Variants in EXTL3 observed in about 807,000 individuals in gnomAD.
EXTL3 encodes the protein exostosin-like 3.
EXTL3 carries 27 observed loss-of-function variants against 69.3 expected under a neutral mutation model. That is an observed-to-expected ratio of 0.39 (90% CI 0.29 to 0.54). The LOEUF (loss-of-function observed/expected upper bound fraction) is 0.54. Ranked by LOEUF, EXTL3 falls within the 20% of genes least tolerant of loss-of-function variation. The pLI, the probability that EXTL3 is intolerant of heterozygous loss-of-function variation, is 0.69. For missense variants in EXTL3, 1,003 were observed against 1,231.8 expected (o/e 0.81, Z 2.78); for synonymous variants, 511 against 499.4 (o/e 1.02, Z -0.31).
At chr8:28,731,139 G>A (rs1017094465) in intron 3 of EXTL3, 84 bp from the exon 4 acceptor site, 1 of 1,551,118 alleles carries the variant, frequency 6.4e-7, no homozygotes, top group Non-Finnish European at 8.9e-7. Flanking sequence ...ATCCAGCCAT[G>A]GTCTCCTTGG....
chr8:28,653,677 C>T (rs929510963), intron 1 of EXTL3, among the ~76,000 whole-genome samples: 7 of 152,144 alleles, frequency 4.6e-5, no homozygotes, highest in Admixed American at 3.3e-4. Context: ...TGACTAGAGA[C>T]ATTTGGGTTT....
At chr8:28,747,728 CT>C (rs71549697) in intron 6 of EXTL3, among the ~76,000 whole-genome samples, 9,925 of 124,560 alleles carry the variant, frequency 0.08, 766 homozygotes, top group African/African-American at 0.27. Context: ...TTTTCTTTTT[CT>C]TTTTTTTTTT....
rs552787812 is a variant in EXTL3 at position 28,612,437 on chromosome 8, G to C, written n.314+4679G>C. Among the ~76,000 whole-genome samples the C allele has an allele frequency of 2.2e-4, 34 of 151,176 alleles. 2 individuals are homozygous for C. In the South Asian group the frequency reaches 4.2e-3, roughly 19 times the overall value. ...CCATTGCACTCCAGCCTGGGAGCCTGGGTGACGGAGCGAGACTCCATCTCT... is the reference window on the plus strand; with the variant it reads ...CCATTGCACTCCAGCCTGGGAGCCTCGGTGACGGAGCGAGACTCCATCTCT... On this transcript the variant is annotated intron_variant and non_coding_transcript_variant, in intron 2 of 4. Coordinates refer to the EXTL3 transcript ENST00000522725.
intron 1 of EXTL3, among the ~76,000 whole-genome samples, chr8:28,656,034 A>G (rs1411836939): frequency 6.6e-6 from 1 of 152,174 alleles, no homozygotes; most frequent in Non-Finnish European, 1.5e-5. Context: ...AGGATCATTG[A>G]GAACCTTCTG....
upstream of EXTL3, among the ~76,000 whole-genome samples, chr8:28,618,086 G>A (rs1375822795): frequency 6.6e-6 from 1 of 152,092 alleles, no homozygotes; most frequent in Admixed American, 6.6e-5. Flanking sequence ...CTAACATTAT[G>A]AATATAGTTA....
intron 1 of EXTL3, among the ~76,000 whole-genome samples, chr8:28,667,587 C>G (rs768285402): frequency 6.6e-6 from 1 of 152,052 alleles, no homozygotes; most frequent in Non-Finnish European, 1.5e-5. Context: ...AATGCTTTGG[C>G]AAGCAGAATC....
chr8:28,667,449 C>T (rs1807214343), intron 1 of EXTL3, among the ~76,000 whole-genome samples: 1 of 152,190 alleles, frequency 6.6e-6, no homozygotes, highest in South Asian at 2.1e-4. Context: ...GTGAATATTT[C>T]TGTTCAATAC....
chr8:28,716,141 C>G lies in EXTL3; in HGVS notation c.82C>G (p.Arg28Gly). Residue 28 changes from arginine to glycine, a missense_variant, in exon 3 of 7, where the codon CGC becomes GGC. Coordinates refer to ENST00000220562, the MANE Select transcript of EXTL3 (RefSeq NM_001440.4). This position sits in a 1 kb window ranked among gnomAD's most constrained non-coding sequence, Gnocchi z 7.1. ...CATGCTGCGCTGGTCCAACCGCATC[C>G]GCCTCACGTGGCTCAGCTTCACGCT... The part of the protein sequence containing the change: ...TCMLRWSNRI[R>G]LTWLSFTLFV... 6.2e-7 allele frequency: 1 copy of G among 1,614,026 alleles called. No homozygotes were observed. The highest frequency in any genetic ancestry group is 1.7e-5 in the Admixed American group (1 of 60,028).
chr8:28,714,444 G>A (rs1801098269), intron 2 of EXTL3, among the ~76,000 whole-genome samples: 1 of 152,090 alleles, frequency 6.6e-6, no homozygotes, highest in African/African-American at 2.4e-5. Context: ...AAGTGGTTGT[G>A]CCTCTGTGAA....
intron 1 of EXTL3, among the ~76,000 whole-genome samples, chr8:28,632,359 C>T (rs1806582533): frequency 6.6e-6 from 1 of 151,986 alleles, no homozygotes; most frequent in Non-Finnish European, 1.5e-5. Context: ...CATGCCATTG[C>T]ACTCCAGCCT....
At chr8:28,681,554 A>G (rs962867629) in intron 1 of EXTL3, among the ~76,000 whole-genome samples, 1 of 152,004 alleles carries the variant, frequency 6.6e-6, no homozygotes, top group African/African-American at 2.4e-5. Context: ...CTTGATAGAC[A>G]CTCGGGTTGA....
chr8:28,613,205 A>G (rs10097395), intron 2 of EXTL3, among the ~76,000 whole-genome samples: 44,980 of 151,334 alleles, frequency 0.3, 6,889 homozygotes, highest in African/African-American at 0.36. Context: ...TTTTTTTGAG[A>G]CGGAGTCTCA....
intron 1 of EXTL3, among the ~76,000 whole-genome samples, chr8:28,693,340 G>A (rs1800641346): frequency 6.6e-6 from 1 of 151,938 alleles, no homozygotes; most frequent in African/African-American, 2.4e-5. Flanking sequence ...AGTAGAGGTG[G>A]GTTTTTGCCA....
chr8:28,622,722 A>C (rs1806433278), upstream of EXTL3: 1 of 145,222 alleles, frequency 6.9e-6, no homozygotes, highest in African/African-American at 2.6e-5. Flanking sequence ...AGGGGGCGGG[A>C]CCGTGGAGAG....
intron 1 of EXTL3, among the ~76,000 whole-genome samples, chr8:28,672,752 T>A (rs917809952): frequency 6.6e-6 from 1 of 151,926 alleles, no homozygotes; most frequent in African/African-American, 2.4e-5. Flanking sequence ...TGCTTGGTGG[T>A]GATGTATGCA....
intron 2 of EXTL3, among the ~76,000 whole-genome samples, chr8:28,617,503 A>T (rs914406770): frequency 7.9e-5 from 12 of 152,342 alleles, no homozygotes; most frequent in African/African-American, 2.9e-4. Context: ...AGATCAGGCC[A>T]GGCATGGTGG....
intron 1 of EXTL3, among the ~76,000 whole-genome samples, chr8:28,650,637 A>G (rs920076660): frequency 6.6e-6 from 1 of 152,072 alleles, no homozygotes; most frequent in Non-Finnish European, 1.5e-5. Context: ...GATTACAGGC[A>G]TGAGCCACTG....
At chr8:28,621,431 C>T (rs545862579), upstream of EXTL3, among the ~76,000 whole-genome samples, 4 of 152,346 alleles carry the variant, frequency 2.6e-5, no homozygotes, top group East Asian at 7.7e-4. Flanking sequence ...ACACCTTGAA[C>T]ACAGGCTTCC....
chr8:28,639,516 G>A (rs1185363893), intron 1 of EXTL3, among the ~76,000 whole-genome samples: 2 of 152,190 alleles, frequency 1.3e-5, no homozygotes, highest in Non-Finnish European at 2.9e-5. Flanking sequence ...GCAAAACTCC[G>A]TGTTACGTTT....
Sources: allele counts gnomAD v4.1 joint callset (sites outside exome capture counted in the v4.1 genomes callset), GRCh38; gene constraint gnomAD v4.1.1; non-coding constraint Gnocchi (gnomAD v3.1); transcripts MANE v1.5; gene names NCBI Gene and HGNC (gene_info 2026-07-23, HGNC 2026-07-21).